The following ARID4B variants were observed in gnomAD, a reference collection of about 807,000 sequenced individuals.
The protein encoded by ARID4B is AT-rich interaction domain 4B.
In ARID4B, 26 loss-of-function variants were observed where a neutral mutation model predicts 147.5. The observed-to-expected ratio is 0.18, with a 90% CI of 0.13 to 0.24. The LOEUF (loss-of-function observed/expected upper bound fraction) is 0.24, where lower values mean the gene tolerates loss of function less well. ARID4B is among the 10% of genes least tolerant of loss of function. ARID4B has a pLI of 1.00. For missense variants in ARID4B, 1,179 were observed against 1,511.5 expected (o/e 0.78, Z 3.65); for synonymous variants, 512 against 507.9 (o/e 1.01, Z -0.11).
chr1:235,270,670 T>C (rs1412274270), intron 2 of ARID4B, among the ~76,000 whole-genome samples: 1 of 152,222 alleles, frequency 6.6e-6, no homozygotes, highest in African/African-American at 2.4e-5. Context: ...CCAACTATAC[T>C]TAAGGCACTG....
At chr1:235,187,616 A>G (rs901227947) in intron 19 of ARID4B, among the ~76,000 whole-genome samples, 3 of 152,152 alleles carry the variant, frequency 2.0e-5, no homozygotes, top group Admixed American at 2.0e-4. Context: ...CTGTACCTCT[A>G]GTTTTATTCC....
At chr1:235,180,079 A>ACC (rs1296844042) in intron 20 of ARID4B, 1 of 146,242 alleles carries the variant, frequency 6.8e-6, no homozygotes, top group Admixed American at 6.8e-5. Context: ...CAAAAAAAAA[A>ACC]CCCCCAAGAA....
At chr1:235,287,337 G>C (rs778692619) in intron 2 of ARID4B, among the ~76,000 whole-genome samples, 9 of 151,860 alleles carry the variant, frequency 5.9e-5, no homozygotes, top group Non-Finnish European at 1.3e-4. Context: ...TCTGATCCCA[G>C]ACTACTAAAC....
intron 22 of ARID4B, among the ~76,000 whole-genome samples, chr1:235,173,761 AAAAAAAAAAAAT>A (rs1355768407): frequency 4.6e-4 from 24 of 51,956 alleles, no homozygotes; most frequent in African/African-American, 2.3e-3. Context: ...AAAAAAAAAA[AAAAAAAAAAAAT>A]ATATATATAT....
intron 17 of ARID4B, 118 bp from the exon 18 acceptor site, chr1:235,196,233 A>G: frequency 2.1e-6 from 1 of 486,114 alleles, no homozygotes; most frequent in Non-Finnish European, 3.5e-6. Flanking sequence ...AGGACCTTGG[A>G]AATCATCTCA....
intron 2 of ARID4B, among the ~76,000 whole-genome samples, chr1:235,281,258 A>C (rs1671653310): frequency 6.6e-6 from 1 of 152,112 alleles, no homozygotes; most frequent in South Asian, 2.1e-4. Context: ...TCTGTTAAAA[A>C]CAAAAATAAA....
chr1:235,271,871 C>A (rs957085053), intron 2 of ARID4B, among the ~76,000 whole-genome samples: 1 of 151,808 alleles, frequency 6.6e-6, no homozygotes, highest in Admixed American at 6.6e-5. Flanking sequence ...ATCACTTAAA[C>A]CCAGGAGGTG....
chr1:235,273,916 A>G (rs1311105023), intron 2 of ARID4B, among the ~76,000 whole-genome samples: 1 of 152,222 alleles, frequency 6.6e-6, no homozygotes, highest in Non-Finnish European at 1.5e-5. Flanking sequence ...ATGTAGGAAC[A>G]TATCACTTAC....
intron 2 of ARID4B, among the ~76,000 whole-genome samples, chr1:235,326,544 A>C (rs1411285925): frequency 6.6e-6 from 1 of 152,244 alleles, no homozygotes; most frequent in Non-Finnish European, 1.5e-5. Context: ...ACAATAAATA[A>C]GATTCTCTTT....
At chr1:235,268,544 A>AT (rs1387969642) in intron 2 of ARID4B, among the ~76,000 whole-genome samples, 2 of 152,058 alleles carry the variant, frequency 1.3e-5, no homozygotes, top group African/African-American at 4.8e-5. Context: ...TTTATTTTTA[A>AT]TTGAGATGGA....
chr1:235,258,957 C>A lies in ARID4B; in HGVS notation c.117+1685G>T, dbSNP rs566228981. On this transcript the variant is annotated intron_variant, in intron 3 of 23. Transcript: ENST00000264183. ...AACAAATTTGTTAAAAATATATTAA[C>A]TTTGAATCATAAAGAAATTACACAT... 9.9e-4 allele frequency among the ~76,000 whole-genome samples: 151 copies of A among 152,242 alleles called. 1 individual carries two copies. The highest frequency in any genetic ancestry group is 6.8e-3 in the Middle Eastern group (2 of 294).
chr1:235,218,960 G>A (rs1667269573), intron 16 of ARID4B, among the ~76,000 whole-genome samples: 2 of 149,704 alleles, frequency 1.3e-5, no homozygotes, highest in Non-Finnish European at 3.0e-5. Flanking sequence ...CTGCCTCCAG[G>A]GTTCAAGAGA....
At chr1:235,298,145 A>G (rs1275720365) in intron 2 of ARID4B, among the ~76,000 whole-genome samples, 1 of 152,218 alleles carries the variant, frequency 6.6e-6, no homozygotes, top group South Asian at 2.1e-4. Context: ...AAAATGCTAC[A>G]TGGTGAGGGA....
intron 2 of ARID4B, among the ~76,000 whole-genome samples, chr1:235,312,436 G>T (rs991796214): frequency 6.6e-6 from 1 of 152,186 alleles, no homozygotes; most frequent in Admixed American, 6.5e-5. Context: ...GTTGAATCAA[G>T]TTACCAGGAA....
chr1:235,260,813 C>G, intron 2 of ARID4B, 61 bp from the exon 3 acceptor site: 2 of 1,177,772 alleles, frequency 1.7e-6, no homozygotes, highest in Non-Finnish European at 2.4e-6. Flanking sequence ...ATAATCAGAC[C>G]TCAGAATAGT....
intron 2 of ARID4B, among the ~76,000 whole-genome samples, chr1:235,272,650 A>G (rs1192072564): frequency 6.6e-6 from 1 of 152,048 alleles, no homozygotes; most frequent in African/African-American, 2.4e-5. Flanking sequence ...TCACATTTGT[A>G]AAGTGTAGTT....
At chr1:235,286,119 T>C (rs1671955821) in intron 2 of ARID4B, among the ~76,000 whole-genome samples, 2 of 152,066 alleles carry the variant, frequency 1.3e-5, no homozygotes, top group South Asian at 4.1e-4. Flanking sequence ...ACTGCAGCCT[T>C]GACTTCCTGG....
intron 22 of ARID4B, 52 bp downstream of exon 22, chr1:235,175,132 A>C: frequency 6.7e-7 from 1 of 1,497,084 alleles, no homozygotes; most frequent in Non-Finnish European, 9.3e-7. Context: ...ATAAAACAAA[A>C]AGAGTTACTA....
At chr1:235,171,359 G>A (rs1289370154) in intron 23 of ARID4B, among the ~76,000 whole-genome samples, 1 of 152,068 alleles carries the variant, frequency 6.6e-6, no homozygotes, top group Admixed American at 6.6e-5. Context: ...CTTGAACTCA[G>A]GAGGCGGAGG....
Sources: gnomAD v4.1 joint callset for allele counts (sites outside exome capture counted in the v4.1 genomes callset) on GRCh38, gnomAD v4.1.1 for gene constraint, MANE v1.5 for transcripts, NCBI Gene and HGNC (gene_info 2026-07-23, HGNC 2026-07-21) for gene names.